PAK6: variants seen among roughly 807,000 people sequenced by gnomAD.
The protein encoded by PAK6 is p21 (RAC1) activated kinase 6.
A neutral mutation model predicts 60.8 loss-of-function variants in PAK6; 33 were observed. The ratio of observed to expected loss-of-function variants is 0.54; its 90% CI spans 0.41 to 0.73. The LOEUF is 0.73. Ranked by LOEUF, PAK6 falls within the 30% of genes least tolerant of loss-of-function variation. The pLI is 0.00. For synonymous variants in PAK6, 404 were observed against 378.5 expected, an observed-to-expected ratio of 1.07 and a Z score of -0.78; for missense variants, 845 against 904.1, an observed-to-expected ratio of 0.93 and a Z score of 0.84.
At chr15:40,240,778 A>G in intron 2 of PAK6, 97 bp downstream of exon 2, 1 of 385,556 alleles carries the variant, frequency 2.6e-6, no homozygotes, top group South Asian at 1.8e-5. Flanking sequence ...CAGGGAGGCT[A>G]ACTCCACAGC....
At chr15:40,276,287 C>T (rs1831619393) in exon 11 of PAK6, 7 of 584,478 alleles carry the variant, frequency 1.2e-5, no homozygotes, top group South Asian at 4.3e-5. Flanking sequence ...CTCTCCCTCC[C>T]GAGTCCCCAG....
chr15:40,265,017 C>T, intron 4 of PAK6, 28 bp downstream of exon 4: 1 of 1,595,594 alleles, frequency 6.3e-7, no homozygotes, highest in East Asian at 2.2e-5. Context: ...GGATGAGGTT[C>T]AGCCTCTCCC....
chr15:40,272,942 G>C, exon 7 of PAK6: 2 of 1,614,080 alleles, frequency 1.2e-6, no homozygotes, highest in Non-Finnish European at 1.7e-6. Flanking sequence ...GAGGAGCTGT[G>C]GGTGCTCATG....
intron 3 of PAK6, among the ~76,000 whole-genome samples, chr15:40,254,584 G>GGA (rs1251890588): frequency 6.6e-6 from 1 of 152,156 alleles, no homozygotes; most frequent in Non-Finnish European, 1.5e-5. Context: ...TGGGATAGAG[G>GGA]GAGCCTCTGG....
At chr15:40,255,850 T>C (rs752066111) in intron 3 of PAK6, among the ~76,000 whole-genome samples, 1 of 152,160 alleles carries the variant, frequency 6.6e-6, no homozygotes, top group Non-Finnish European at 1.5e-5. Flanking sequence ...CCAGAGGGAC[T>C]GAACTTTGGG....
chr15:40,275,694 G>C (rs577165808), intron 10 of PAK6, among the ~76,000 whole-genome samples: 1 of 152,256 alleles, frequency 6.6e-6, no homozygotes, highest in East Asian at 1.9e-4. Context: ...ACTGTGACTT[G>C]CCTGAGATCA....
In PAK6 at chr15:40,240,860, C is replaced by T. The variant is rs770677076; in HGVS notation, c.-118+179C>T. Among the ~76,000 whole-genome samples the T allele has an allele frequency of 1.6e-3, 251 of 152,220 alleles. 4 individuals carry two copies. The highest frequency in any genetic ancestry group is 6.0e-4 in the Non-Finnish European group (41 of 67,994). ...CCTTCTTTCCAGATTGATTGTGAAA[C>T]AGTCCAATCCCAGCTGGTCTCTGGC... On this transcript the variant is annotated intron_variant, in intron 2 of 10. Coordinates refer to ENST00000560346, the Ensembl canonical transcript of PAK6.
intron 3 of PAK6, 25 bp from the exon 4 acceptor site, chr15:40,264,756 G>A: frequency 1.2e-6 from 2 of 1,608,276 alleles, no homozygotes; most frequent in Non-Finnish European, 8.5e-7. Context: ...CCGGGAGGGA[G>A]CTCAACCTTA....
intron 1 of PAK6, among the ~76,000 whole-genome samples, chr15:40,240,357 C>G (rs988862230): frequency 6.6e-6 from 1 of 152,160 alleles, no homozygotes; most frequent in African/African-American, 2.4e-5. Flanking sequence ...CACCCTCAAG[C>G]CCCTGGTCCC....
exon 5 of PAK6, chr15:40,266,213 TCTGCAGCTGGGTGCCTGC>T: frequency 1.2e-6 from 2 of 1,609,974 alleles, no homozygotes; most frequent in Non-Finnish European, 1.7e-6. Flanking sequence ...CGCAGCGCTG[TCTGCAGCTGGGTGCCTGC>T]CTGCAGAGCT....
exon 8 of PAK6, chr15:40,273,404 C>T (rs1392176646): frequency 6.2e-7 from 1 of 1,613,980 alleles, no homozygotes; most frequent in South Asian, 1.1e-5. Context: ...CCTGGCCTAC[C>T]TGCATGCTCA....
chr15:40,255,814 G>C (rs2038818286), intron 3 of PAK6, among the ~76,000 whole-genome samples: 1 of 152,162 alleles, frequency 6.6e-6, no homozygotes, highest in Non-Finnish European at 1.5e-5. Context: ...TTCTAGCAGA[G>C]TGCGGGCAGC....
At chr15:40,258,345 C>T (rs1372133820) in intron 3 of PAK6, among the ~76,000 whole-genome samples, 3 of 152,190 alleles carry the variant, frequency 2.0e-5, no homozygotes, top group East Asian at 1.9e-4. Context: ...GCATGGTGGA[C>T]GGAGCAGGGG....
At chr15:40,244,329 C>CA (rs371932572) in intron 2 of PAK6, among the ~76,000 whole-genome samples, 104 of 110,678 alleles carry the variant, frequency 9.4e-4, no homozygotes, top group African/African-American at 2.6e-3. Flanking sequence ...GACTCTGTCT[C>CA]AAAAAAAAAA....
intron 3 of PAK6, among the ~76,000 whole-genome samples, chr15:40,263,025 AG>A (rs1190861580): frequency 1.2e-4 from 19 of 152,240 alleles, no homozygotes; most frequent in African/African-American, 3.6e-4. Context: ...AAGACCCAGA[AG>A]CATGGCTGAC....
At chr15:40,257,808 C>A (rs1309314314) in intron 3 of PAK6, among the ~76,000 whole-genome samples, 2 of 152,140 alleles carry the variant, frequency 1.3e-5, no homozygotes, top group Non-Finnish European at 2.9e-5. Context: ...GGCCCACCCA[C>A]AGTGCAGCTG....
exon 11 of PAK6, chr15:40,276,172 T>G: frequency 6.1e-6 from 8 of 1,314,126 alleles, no homozygotes; most frequent in Non-Finnish European, 7.6e-6. Context: ...AGGACTTGCC[T>G]GCCTCCTCCT....
intron 3 of PAK6, among the ~76,000 whole-genome samples, chr15:40,257,508 C>T (rs540616385): frequency 3.3e-5 from 5 of 152,312 alleles, no homozygotes; most frequent in South Asian, 2.1e-4. Flanking sequence ...AGCGGGGTGA[C>T]GGGTTAGGAG....
exon 4 of PAK6, chr15:40,264,925 T>C: frequency 6.2e-7 from 1 of 1,613,762 alleles, no homozygotes; most frequent in Non-Finnish European, 8.5e-7. Context: ...CTGGACACAC[T>C]GCGGCGCCCC....
Sources: allele counts gnomAD v4.1 joint callset (sites outside exome capture counted in the v4.1 genomes callset), GRCh38; gene constraint gnomAD v4.1.1; transcripts MANE v1.5; gene names NCBI Gene and HGNC (gene_info 2026-07-23, HGNC 2026-07-21).